The following NCAPD3 variants were observed in gnomAD, a reference collection of about 807,000 sequenced individuals.
The protein encoded by NCAPD3 is condensin-2 complex subunit D3.
Under a neutral mutation model 182.9 loss-of-function variants are expected in NCAPD3, and 105 were observed. That is an observed-to-expected ratio of 0.57 (90% CI 0.49 to 0.68). The LOEUF (loss-of-function observed/expected upper bound fraction) is 0.68. Ranked by LOEUF, NCAPD3 falls within the 30% of genes least tolerant of loss-of-function variation. NCAPD3 has a pLI of 0.00. For synonymous variants in NCAPD3, 815 were observed against 679.9 expected, an observed-to-expected ratio of 1.20 and a Z score of -3.09; for missense variants, 1,944 against 1,837.0, an observed-to-expected ratio of 1.06 and a Z score of -1.07.
At chr11:134,161,231 G>C (rs1204463032) in intron 28 of NCAPD3, among the ~76,000 whole-genome samples, 1 of 152,090 alleles carries the variant, frequency 6.6e-6, no homozygotes, top group Admixed American at 6.5e-5. Flanking sequence ...GATTTTGCAA[G>C]AAAGGTCTGA....
At chr11:134,179,851 C>A (rs897756257) in intron 20 of NCAPD3, among the ~76,000 whole-genome samples, 1 of 151,872 alleles carries the variant, frequency 6.6e-6, no homozygotes, top group Non-Finnish European at 1.5e-5. Flanking sequence ...GGTAAGAAAG[C>A]CAATAACAAA....
intron 13 of NCAPD3, among the ~76,000 whole-genome samples, chr11:134,201,708 GATA>G (rs1944752688): frequency 6.6e-6 from 1 of 152,220 alleles, no homozygotes; most frequent in African/African-American, 2.4e-5. Flanking sequence ...ACCTCAACTT[GATA>G]TTGCTTGAAA....
intron 24 of NCAPD3, among the ~76,000 whole-genome samples, chr11:134,170,128 C>A (rs564820714): frequency 6.6e-6 from 1 of 152,178 alleles, no homozygotes; most frequent in Non-Finnish European, 1.5e-5. Flanking sequence ...GATGAGAAAT[C>A]ATGATGGAAG....
intron 27 of NCAPD3, among the ~76,000 whole-genome samples, chr11:134,167,609 A>G (rs1943883929): frequency 1.4e-4 from 13 of 95,722 alleles, no homozygotes; most frequent in African/African-American, 2.7e-4. Context: ...CTCACTAGTG[A>G]GATGAGCTTG....
chr11:134,178,613 A>C lies in NCAPD3; in HGVS notation c.2782+21T>G, dbSNP rs372592392. The C allele has an allele frequency of 6.0e-5, 90 of 1,498,556 alleles. No homozygotes were observed. In the African/African-American group the frequency reaches 1.1e-3, roughly 19 times the overall value. 92.8% of individuals were successfully genotyped at this position (1,498,556 alleles called of 1,614,324 possible). Reference sequence around the variant, plus strand: ...TACACACAGAACGATGTCAAGCCCCATTCTCCCATGTTTTTCTTACCTAAG... The same window carrying C: ...TACACACAGAACGATGTCAAGCCCCCTTCTCCCATGTTTTTCTTACCTAAG... On this transcript the variant is annotated intron_variant, in intron 22 of 34. Transcript: ENST00000534548.
In NCAPD3 at chr11:134,157,776, T is replaced by C. The variant is rs961069149; in HGVS notation, c.4174+152A>G. On this transcript the variant is annotated intron_variant, in intron 31 of 34. Coordinates refer to ENST00000534548, the MANE Select transcript of NCAPD3 (RefSeq NM_015261.3). ...CCAAATCTCCTAGAATAAATATGCA[T>C]TGTTTTACTACCCATGATCCTAAAA... 13 of 895,224 alleles carry C rather than the reference T, an allele frequency of 1.5e-5. No homozygotes were observed. In the African/African-American group the frequency reaches 1.8e-4, roughly 13 times the overall value. 55.5% of individuals were successfully genotyped at this position (895,224 alleles called of 1,614,324 possible).
At position 134,158,609 on chromosome 11, in the gene NCAPD3, C is replaced by T. The variant is rs927040877; in HGVS notation, c.3868-114G>A. The T allele has an allele frequency of 2.7e-6, 3 of 1,118,906 alleles. No individual in the cohort carries two copies. In the African/African-American group the frequency reaches 4.6e-5, roughly 17 times the overall value. The allele number at this position is 1,118,906 out of a possible 1,614,324, so 69.3% of individuals were successfully genotyped here. On this transcript the variant is annotated intron_variant, in intron 29 of 34. Transcript: ENST00000534548. ...CATATGAGATTTTGATACATGTGGA[C>T]AACGTAATGATCAAATCAGGGTAAT...
At chr11:134,175,753 A>C (rs1044737982) in intron 24 of NCAPD3, among the ~76,000 whole-genome samples, 4 of 152,220 alleles carry the variant, frequency 2.6e-5, no homozygotes. Flanking sequence ...ATCTTTAAAA[A>C]AAAAGATGCA....
chr11:134,210,560 T>C (rs1051526612), intron 3 of NCAPD3, 106 bp from the exon 4 acceptor site: 74 of 1,000,222 alleles, frequency 7.4e-5, no homozygotes, highest in Admixed American at 6.0e-4. Flanking sequence ...TTTTCATGAC[T>C]GTGAATAACA....
intron 27 of NCAPD3, among the ~76,000 whole-genome samples, chr11:134,163,282 A>G (rs992195944): frequency 6.6e-6 from 1 of 152,206 alleles, no homozygotes; most frequent in Non-Finnish European, 1.5e-5. Flanking sequence ...ACAAAAGTCT[A>G]TATGGAATAA....
intron 2 of NCAPD3, among the ~76,000 whole-genome samples, chr11:134,218,098 C>CAA (rs1383290956): frequency 2.2e-4 from 10 of 45,956 alleles, no homozygotes; most frequent in African/African-American, 9.5e-4. Flanking sequence ...ACCCTGGTCT[C>CAA]AAAAAAAAAA....
chr11:134,186,114 A>G (rs1044312809), intron 16 of NCAPD3: 1 of 152,228 alleles, frequency 6.6e-6, no homozygotes, highest in African/African-American at 2.4e-5. Context: ...TAAAATATGC[A>G]ATAACTTAAT....
chr11:134,174,781 G>A (rs1363804158), intron 24 of NCAPD3, among the ~76,000 whole-genome samples: 1 of 152,158 alleles, frequency 6.6e-6, no homozygotes, highest in African/African-American at 2.4e-5. Flanking sequence ...TGATGGTTCT[G>A]CTAATTATCC....
At chr11:134,211,613 G>A (rs960346629) in intron 3 of NCAPD3, among the ~76,000 whole-genome samples, 5 of 151,904 alleles carry the variant, frequency 3.3e-5, no homozygotes, top group African/African-American at 1.2e-4. Flanking sequence ...CCCAGGAAAT[G>A]ACAGAGATAA....
At position 134,165,603 on chromosome 11, in the gene NCAPD3, TGGG is replaced by T. The variant is rs1393500596; in HGVS notation, c.3573+2390_3573+2392del. ...GAGGGGCACACTAGTGAGATGAGCT[TGGG>T]GGAGGCGCACACTCGTGAGATGAGC... is the stretch of plus-strand genomic sequence containing the variant. On this transcript the variant is annotated intron_variant, in intron 27 of 34. Transcript: ENST00000534548. 1.3e-4 allele frequency among the ~76,000 whole-genome samples: 16 copies of T among 123,416 alleles called. 1 individual carries two copies. In the East Asian group the frequency reaches 4.1e-3, roughly 32 times the overall value. 81.0% of individuals were successfully genotyped at this position (123,416 alleles called of 152,430 possible). A position where few individuals can be genotyped will look rare whatever the true frequency, so the allele number is the denominator to read the frequency against.
Position 134,153,184 on chromosome 11 carries a change from C to T in NCAPD3, c.4344G>A (p.Arg1448=). ...PSSAKEKIEG[R]SQGNDILCLS... ...AACATAAGATGTCATTTCCTTGACT[C>T]CGGCCTTCAATTTTCTCTAAAAGGG... The change falls in exon 34 of 35, where the codon CGG becomes CGA. Residue 1448 remains arginine, a synonymous_variant. Coordinates refer to ENST00000534548, the MANE Select transcript of NCAPD3 (RefSeq NM_015261.3). 1 of 1,614,186 alleles carries T rather than the reference C, an allele frequency of 6.2e-7. No individual in the cohort carries two copies. The highest frequency in any genetic ancestry group is 8.5e-7 in the Non-Finnish European group (1 of 1,180,032).
chr11:134,191,090 A>G (rs1484858697), intron 16 of NCAPD3, among the ~76,000 whole-genome samples: 1 of 152,222 alleles, frequency 6.6e-6, no homozygotes, highest in African/African-American at 2.4e-5. Flanking sequence ...CATCTTCTGC[A>G]AGGTTCCTCT....
Position 134,181,071 on chromosome 11 carries a change from G to A in NCAPD3, c.2559+6C>T, listed in dbSNP as rs372051041. On this transcript the variant is annotated splice_donor_region_variant and intron_variant, in intron 20 of 34. Transcript: ENST00000534548. ...AAAAGAATGGTTAGGAAAAGCAGTC[G>A]CTTACCAACAGGTCTTCGTCCATAT... The A allele has an allele frequency of 3.2e-5, 51 of 1,601,380 alleles. No individual in the cohort carries two copies. Among genetic ancestry groups the A allele is most frequent in the Non-Finnish European group, 3.9e-5 (45 of 1,168,632 alleles).
Position 134,209,434 on chromosome 11 carries a change from A to G in NCAPD3, c.611T>C (p.Phe204Ser). The G allele has an allele frequency of 6.2e-7, 1 of 1,613,344 alleles. No individual in the cohort carries two copies. The highest frequency in any genetic ancestry group is 8.5e-7 in the Non-Finnish European group (1 of 1,179,738). Reference sequence around the variant, plus strand: ...AATTTGAGAAAGGTCCCGGGCAGAAAAACAAATATTCTCATCTTCTTGTTC... The same window carrying G: ...AATTTGAGAAAGGTCCCGGGCAGAAGAACAAATATTCTCATCTTCTTGTTC... ...IEEQEDENIC[F>S]SARDLSQIRN... is the part of the protein sequence containing the mutation. Residue 204 changes from phenylalanine (F) to serine (S), a missense_variant, in exon 5 of 35, where the codon TTT becomes TCT. By Grantham distance (155) the Phe-to-Ser change is radical. Around this residue, in one of 3 missense-constraint regions of NCAPD3, gnomAD observed 1,803 missense variants for 1,674.6 expected, o/e 1.08. Coordinates refer to ENST00000534548, the MANE Select transcript of NCAPD3 (RefSeq NM_015261.3).
Sources: allele counts gnomAD v4.1 joint callset (sites outside exome capture counted in the v4.1 genomes callset), GRCh38; gene constraint gnomAD v4.1.1; regional missense constraint gnomAD v4.1.1; transcripts MANE v1.5; gene names NCBI Gene and HGNC (gene_info 2026-07-23, HGNC 2026-07-21).